Variants in DPP10 observed in about 807,000 individuals in gnomAD.
DPP10 encodes the protein inactive dipeptidyl peptidase 10.
DPP10 carries 33 observed loss-of-function variants against 120.9 expected under a neutral mutation model. The observed-to-expected ratio is 0.27, with a 90% CI of 0.21 to 0.37. The LOEUF (loss-of-function observed/expected upper bound fraction) is 0.37. DPP10 is among the 10% of genes least tolerant of loss of function. DPP10 has a pLI of 1.00. For missense variants in DPP10, 816 were observed against 942.8 expected (o/e 0.87, Z 1.76); for synonymous variants, 337 against 326.1 (o/e 1.03, Z -0.36).
At chr2:114,639,923 A>G (rs955718117) in intron 1 of DPP10, among the ~76,000 whole-genome samples, 1 of 151,886 alleles carries the variant, frequency 6.6e-6, no homozygotes, top group Non-Finnish European at 1.5e-5. Flanking sequence ...ATCTTGCTGA[A>G]GTTTCTGTGA....
chr2:115,465,354 A>C (rs540678383), intron 3 of DPP10, among the ~76,000 whole-genome samples: 1 of 152,278 alleles, frequency 6.6e-6, no homozygotes, highest in African/African-American at 2.4e-5. Context: ...TAGGCTTTGG[A>C]AGTACTATAC....
intron 7 of DPP10, among the ~76,000 whole-genome samples, chr2:115,690,279 T>C (rs2091241842): frequency 1.3e-5 from 2 of 152,128 alleles, no homozygotes; most frequent in South Asian, 4.1e-4. Flanking sequence ...TCTTAAAGCA[T>C]TGTTCAGGGT....
intron 3 of DPP10, among the ~76,000 whole-genome samples, chr2:115,425,893 A>G (rs1294053500): frequency 1.3e-5 from 2 of 152,188 alleles, no homozygotes; most frequent in African/African-American, 4.8e-5. Flanking sequence ...TCACATGGGA[A>G]AAGCAAGAGC....
intron 1 of DPP10, among the ~76,000 whole-genome samples, chr2:114,497,100 T>C (rs1044767159): frequency 6.7e-6 from 1 of 149,092 alleles, no homozygotes; most frequent in African/African-American, 2.4e-5. Context: ...TGTACATGTG[T>C]ACATGTACGT....
chr2:114,621,837 A>G (rs1009162334), intron 1 of DPP10, among the ~76,000 whole-genome samples: 8 of 151,516 alleles, frequency 5.3e-5, no homozygotes, highest in African/African-American at 1.7e-4. Context: ...TGTGTAATTC[A>G]ATACCCTCAA....
In DPP10 at chr2:115,300,902, C is replaced by T. The variant is rs1435644928; in HGVS notation, c.61-8337C>T. Among the ~76,000 whole-genome samples the T allele has an allele frequency of 2.0e-5, 3 of 151,756 alleles. No individual in the cohort carries two copies. The East Asian group carries it at 5.8e-4, about 29-fold the overall frequency. On this transcript the variant is annotated intron_variant, in intron 1 of 25. Coordinates refer to ENST00000410059, the MANE Select transcript of DPP10 (RefSeq NM_020868.6). ...TGGATTTCCCTGTTTCTTTATATGC[C>T]TTGTGATCTTTTGTTGAAAATTGGG... is the stretch of plus-strand genomic sequence containing the variant.
chr2:114,687,200 C>A (rs952605546), intron 1 of DPP10, among the ~76,000 whole-genome samples: 1 of 151,854 alleles, frequency 6.6e-6, no homozygotes, highest in East Asian at 2.0e-4. Context: ...AGTTGAGTCA[C>A]CATTGCTTAT....
At chr2:115,664,530 A>G (rs1413882037) in intron 5 of DPP10, among the ~76,000 whole-genome samples, 1 of 152,144 alleles carries the variant, frequency 6.6e-6, no homozygotes. Flanking sequence ...TGAGAAAAAA[A>G]AAACTAATAA....
chr2:115,424,565 T>G (rs1446000538), intron 3 of DPP10, among the ~76,000 whole-genome samples: 1 of 152,084 alleles, frequency 6.6e-6, no homozygotes, highest in Non-Finnish European at 1.5e-5. Context: ...AATCCAATTA[T>G]TGCTTTGTAG....
chr2:115,156,060 G>C (rs2051887650), intron 1 of DPP10, among the ~76,000 whole-genome samples: 1 of 152,168 alleles, frequency 6.6e-6, no homozygotes, highest in African/African-American at 2.4e-5. Context: ...GTGACAGATT[G>C]ACAGACAGAT....
chr2:114,516,453 A>G (rs554142511), intron 1 of DPP10, among the ~76,000 whole-genome samples: 1 of 152,218 alleles, frequency 6.6e-6, no homozygotes, highest in Non-Finnish European at 1.5e-5. Flanking sequence ...AGCTCTCCCA[A>G]CCCTGGAAAA....
chr2:115,734,648 T>C (rs2092990133), intron 8 of DPP10, among the ~76,000 whole-genome samples: 2 of 82,636 alleles, frequency 2.4e-5, no homozygotes, highest in African/African-American at 5.1e-5. Context: ...ACAGTGAGAC[T>C]CTGTCTTAAA....
At chr2:115,733,267 C>T (rs1039991213) in intron 8 of DPP10, among the ~76,000 whole-genome samples, 1 of 152,120 alleles carries the variant, frequency 6.6e-6, no homozygotes, top group African/African-American at 2.4e-5. Context: ...CTTTTGGCGA[C>T]ATGAAATTGC....
intron 3 of DPP10, among the ~76,000 whole-genome samples, chr2:115,439,909 C>T (rs938474555): frequency 2.0e-5 from 3 of 151,664 alleles, no homozygotes; most frequent in African/African-American, 7.3e-5. Flanking sequence ...AATTTTAGGC[C>T]GCCTTTCTAA....
At chr2:114,860,792 G>T (rs1193782565) in intron 1 of DPP10, among the ~76,000 whole-genome samples, 1 of 151,954 alleles carries the variant, frequency 6.6e-6, no homozygotes. Context: ...GGATGACAAG[G>T]CATTCTCCAG....
chr2:115,266,303 G>T (rs1372397389), intron 1 of DPP10, among the ~76,000 whole-genome samples: 3 of 152,104 alleles, frequency 2.0e-5, no homozygotes, highest in African/African-American at 7.2e-5. Context: ...TTCTGATATG[G>T]AAGCTAGAAT....
At chr2:114,459,210 T>C (rs193071459) in intron 1 of DPP10, among the ~76,000 whole-genome samples, 5 of 152,348 alleles carry the variant, frequency 3.3e-5, no homozygotes, top group Admixed American at 3.3e-4. Context: ...GTTCTTACCG[T>C]TGCTGTGACC....
chr2:114,959,384 C>G (rs899476329), intron 1 of DPP10, among the ~76,000 whole-genome samples: 1 of 152,070 alleles, frequency 6.6e-6, no homozygotes, highest in Non-Finnish European at 1.5e-5. Context: ...CAGGTTCATC[C>G]ATGTAGCATG....
At chr2:115,124,747 CTGTT>C (rs767710871) in intron 1 of DPP10, among the ~76,000 whole-genome samples, 2 of 152,272 alleles carry the variant, frequency 1.3e-5, no homozygotes, top group African/African-American at 2.4e-5. Flanking sequence ...TGGGAAATGT[CTGTT>C]TGTTAACCAA....
Sources: gnomAD v4.1 joint callset for allele counts (sites outside exome capture counted in the v4.1 genomes callset) on GRCh38, gnomAD v4.1.1 for gene constraint, MANE v1.5 for transcripts, NCBI Gene and HGNC (gene_info 2026-07-23, HGNC 2026-07-21) for gene names.